The following RORA variants were observed in gnomAD, a reference collection of about 807,000 sequenced individuals.
RORA encodes RAR related orphan receptor A.
A neutral mutation model predicts 69.5 loss-of-function variants in RORA; 7 were observed. That is an observed-to-expected ratio of 0.10 (90% CI 0.06 to 0.19). The LOEUF (loss-of-function observed/expected upper bound fraction) is 0.19. RORA is among the 10% of genes least tolerant of loss of function. The probability of loss-of-function intolerance (pLI) is 1.00; values close to 1 mark genes in which losing one functional copy is unlikely to be tolerated. For synonymous variants in RORA, 261 were observed against 240.8 expected (o/e 1.08, Z -0.78); for missense variants, 457 against 663.0 (o/e 0.69, Z 3.41).
At chr15:61,166,775 T>C (rs1223194070) in intron 1 of RORA, among the ~76,000 whole-genome samples, 1 of 152,054 alleles carries the variant, frequency 6.6e-6, no homozygotes, top group African/African-American at 2.4e-5. Flanking sequence ...AGAGCACTAC[T>C]TGTGAAGCAG....
intron 1 of RORA, among the ~76,000 whole-genome samples, chr15:60,679,033 C>T (rs1057464350): frequency 6.6e-6 from 1 of 152,110 alleles, no homozygotes; most frequent in Admixed American, 6.5e-5. Context: ...AGATGTAAGG[C>T]ACAAGAGAGC....
chr15:60,727,836 T>G (rs2071380730), intron 1 of RORA, among the ~76,000 whole-genome samples: 2 of 152,162 alleles, frequency 1.3e-5, no homozygotes, highest in Admixed American at 1.3e-4. Context: ...CAAGTGAAAC[T>G]CTAGGAGAGG....
chr15:60,937,274 A>G (rs1892552783), intron 1 of RORA, among the ~76,000 whole-genome samples: 2 of 152,128 alleles, frequency 1.3e-5, no homozygotes, highest in Non-Finnish European at 1.5e-5. Context: ...CACTCTCTGA[A>G]TTCTTCTAGA....
intron 1 of RORA, among the ~76,000 whole-genome samples, chr15:60,810,986 C>T (rs76767815): frequency 1.6e-3 from 241 of 152,304 alleles, no homozygotes; most frequent in African/African-American, 5.6e-3. Flanking sequence ...TCAGATACCA[C>T]AGAGAAAATT....
At chr15:60,923,406 TCAAA>T (rs1443965405) in intron 1 of RORA, among the ~76,000 whole-genome samples, 2 of 152,124 alleles carry the variant, frequency 1.3e-5, no homozygotes, top group Non-Finnish European at 2.9e-5. Flanking sequence ...TAGTGGGCCC[TCAAA>T]CAAATGTATG....
chr15:61,184,036 C>T lies in RORA; in HGVS notation c.166+45017G>A, dbSNP rs145536946. Among the ~76,000 whole-genome samples the T allele has an allele frequency of 4.6e-5, 7 of 152,298 alleles. No individual in the cohort carries two copies. In the East Asian group the frequency reaches 1.3e-3, roughly 29 times the overall value. On this transcript the variant is annotated intron_variant, in intron 1 of 10. Coordinates refer to ENST00000335670, the MANE Select transcript of RORA (RefSeq NM_134261.3). Reference sequence around the variant, plus strand: ...GGGCTGAACTGACACAGAGCCATCTCCTATCAAAGCCCAGTTCCCATGTCC... The same window carrying T: ...GGGCTGAACTGACACAGAGCCATCTTCTATCAAAGCCCAGTTCCCATGTCC...
chr15:60,819,743 C>CCACACACACA (rs1191801506), intron 1 of RORA, among the ~76,000 whole-genome samples: 3 of 74,780 alleles, frequency 4.0e-5, no homozygotes, highest in Admixed American at 1.9e-4. Flanking sequence ...GAAGTCAAAC[C>CCACACACACA]CAGACACACA....
intron 1 of RORA, among the ~76,000 whole-genome samples, chr15:60,934,467 T>TTTGTTGTTGTTGTTG (rs59877483): frequency 6.8e-6 from 1 of 146,922 alleles, no homozygotes; most frequent in African/African-American, 2.7e-5. Context: ...GGCCCAAGAG[T>TTTGTTGTTGTTGTTG]TTGTTGTTGT....
At chr15:60,608,913 C>T (rs2140575859) in intron 2 of RORA, among the ~76,000 whole-genome samples, 1 of 152,280 alleles carries the variant, frequency 6.6e-6, no homozygotes, top group African/African-American at 2.4e-5. Context: ...GGGGGTTTTA[C>T]AGTCTCTGGT....
At chr15:60,500,924 C>A in intron 9 of RORA, 35 bp downstream of exon 9, 1 of 1,262,154 alleles carries the variant, frequency 7.9e-7, no homozygotes. Context: ...TTAGACAATT[C>A]GAAAACCATT....
intron 1 of RORA, among the ~76,000 whole-genome samples, chr15:60,867,274 C>T (rs2073500253): frequency 6.6e-6 from 1 of 152,092 alleles, no homozygotes; most frequent in South Asian, 2.1e-4. Context: ...CTGGCAACTT[C>T]GAAATTATAG....
intron 2 of RORA, among the ~76,000 whole-genome samples, chr15:60,578,313 G>A (rs190777378): frequency 2.0e-5 from 3 of 152,254 alleles, no homozygotes; most frequent in African/African-American, 7.2e-5. Flanking sequence ...AAGGAATTAT[G>A]TTGATTAATA....
At chr15:61,129,162 A>G (rs2079168018) in intron 1 of RORA, among the ~76,000 whole-genome samples, 1 of 152,192 alleles carries the variant, frequency 6.6e-6, no homozygotes, top group Non-Finnish European at 1.5e-5. Context: ...CTATTTCTAG[A>G]TATCTTCCCC....
intron 2 of RORA, among the ~76,000 whole-genome samples, chr15:60,650,451 T>C (rs1477128045): frequency 6.6e-6 from 1 of 151,556 alleles, no homozygotes; most frequent in Non-Finnish European, 1.5e-5. Flanking sequence ...ACCCCCAGAG[T>C]GGGGGAGGGG....
At chr15:60,819,603 C>G (rs905299124) in intron 1 of RORA, among the ~76,000 whole-genome samples, 1 of 152,132 alleles carries the variant, frequency 6.6e-6, no homozygotes, top group African/African-American at 2.4e-5. Context: ...TGGCGCCCTT[C>G]GGAGGCTGGG....
At chr15:61,035,024 T>C (rs890136746) in intron 1 of RORA, among the ~76,000 whole-genome samples, 2 of 152,208 alleles carry the variant, frequency 1.3e-5, no homozygotes, top group African/African-American at 4.8e-5. Context: ...TGCGCATATG[T>C]TTGTACACAA....
rs895565257 is a variant in RORA at position 61,128,617 on chromosome 15, T to C, written c.166+100436A>G. Among the ~76,000 whole-genome samples the C allele has an allele frequency of 6.6e-6, 1 of 152,232 alleles. No homozygotes were observed. The highest frequency in any genetic ancestry group is 1.9e-4 in the East Asian group (1 of 5,198). On this transcript the variant is annotated intron_variant, in intron 1 of 10. Coordinates refer to ENST00000335670, the MANE Select transcript of RORA (RefSeq NM_134261.3). The surrounding 1 kb of genome is among the most constrained non-coding windows in gnomAD (Gnocchi z 4.5). ...TTGTCACATATATTCCCATGGTTTT[T>C]CCAGCTTTACGGAAGGGTTGAAATG...
intron 2 of RORA, among the ~76,000 whole-genome samples, chr15:60,578,380 G>T (rs1261945148): frequency 6.6e-6 from 1 of 152,158 alleles, no homozygotes; most frequent in African/African-American, 2.4e-5. Context: ...CAGATTCCTG[G>T]GGTTGGATAC....
intron 2 of RORA, among the ~76,000 whole-genome samples, chr15:60,563,820 G>A (rs746722845): frequency 1.3e-5 from 2 of 152,008 alleles, no homozygotes; most frequent in Non-Finnish European, 2.9e-5. Flanking sequence ...GTCATTGGAA[G>A]TTTGCTCCAT....
Sources: gnomAD v4.1 joint callset for allele counts (sites outside exome capture counted in the v4.1 genomes callset) on GRCh38, gnomAD v4.1.1 for gene constraint, Gnocchi (gnomAD v3.1) non-coding constraint, MANE v1.5 for transcripts, NCBI Gene and HGNC (gene_info 2026-07-23, HGNC 2026-07-21) for gene names.